KCNT2: variants seen among roughly 807,000 people sequenced by gnomAD.
KCNT2 encodes potassium sodium-activated channel subfamily T member 2, also known as potassium channel subfamily T member 2.
A neutral mutation model predicts 153.8 loss-of-function variants in KCNT2; 67 were observed. The observed-to-expected ratio is 0.44, with a 90% CI of 0.36 to 0.53. KCNT2 has a LOEUF of 0.53. Ranked by LOEUF, KCNT2 falls within the 20% of genes least tolerant of loss-of-function variation. The pLI is 0.00. For missense variants in KCNT2, 975 were observed against 1,354.8 expected (o/e 0.72, Z 4.40); for synonymous variants, 500 against 458.8 (o/e 1.09, Z -1.15).
intron 1 of KCNT2, among the ~76,000 whole-genome samples, chr1:196,536,767 C>T (rs555575920): frequency 1.2e-4 from 18 of 152,296 alleles, no homozygotes; most frequent in African/African-American, 4.1e-4. Context: ...CTGTCACACT[C>T]TCACTAACCT....
Position 196,391,186 on chromosome 1 carries a change from A to C in KCNT2, c.1294+7377T>G, listed in dbSNP as rs190585919. Among the ~76,000 whole-genome samples, 716 of 151,442 alleles carry C rather than the reference A, an allele frequency of 4.7e-3. 4 individuals are homozygous for C. Among genetic ancestry groups the C allele is most frequent in the African/African-American group, 0.016 (651 of 41,444 alleles). ...AGTGGTATTCTTGGGAAGTATATAA[A>C]AGTGCATTGACTTTTTTACAGGGTG... On this transcript the variant is annotated intron_variant, in intron 13 of 27. Coordinates refer to ENST00000294725, the MANE Select transcript of KCNT2 (RefSeq NM_198503.5).
intron 10 of KCNT2, among the ~76,000 whole-genome samples, chr1:196,427,548 A>G (rs1202464607): frequency 6.6e-6 from 1 of 152,068 alleles, no homozygotes; most frequent in African/African-American, 2.4e-5. Context: ...GACAGAAAGA[A>G]AAGTTTCTTC....
At chr1:196,279,660 C>T (rs1658909186) in intron 25 of KCNT2, among the ~76,000 whole-genome samples, 1 of 151,282 alleles carries the variant, frequency 6.6e-6, no homozygotes, top group Admixed American at 6.6e-5. Flanking sequence ...GAACTCCTGA[C>T]CTTGTGATCT....
chr1:196,403,422 A>G (rs916788614), intron 12 of KCNT2, among the ~76,000 whole-genome samples: 3 of 151,688 alleles, frequency 2.0e-5, no homozygotes, highest in African/African-American at 7.3e-5. Flanking sequence ...ATGTATAGGT[A>G]GAGCAGATAA....
At chr1:196,439,156 G>A (rs996065560) in intron 8 of KCNT2, among the ~76,000 whole-genome samples, 14 of 151,740 alleles carry the variant, frequency 9.2e-5, no homozygotes, top group East Asian at 3.9e-4. Context: ...CTGCCTTACC[G>A]TGATTTAGTT....
chr1:196,449,729 C>T (rs1675989596), intron 8 of KCNT2, among the ~76,000 whole-genome samples: 1 of 151,332 alleles, frequency 6.6e-6, no homozygotes, highest in Non-Finnish European at 1.5e-5. Flanking sequence ...TCACAATCTT[C>T]ATTATAAGGA....
chr1:196,282,380 T>A lies in KCNT2; in HGVS notation c.2698-24A>T, dbSNP rs761035683. ...GACTGCAATATAAACAAACAAACAA[T>A]ATATAAATGTATATTTATATATAAT... On this transcript the variant is annotated intron_variant, in intron 23 of 27. Transcript: ENST00000294725. 12 of 1,155,038 alleles carry A rather than the reference T, an allele frequency of 1.0e-5. 1 individual carries two copies. The highest frequency in any genetic ancestry group is 1.7e-5 in the Admixed American group (1 of 57,938). 71.5% of individuals were successfully genotyped at this position (1,155,038 alleles called of 1,614,324 possible). A position where few individuals can be genotyped will look rare whatever the true frequency, so the allele number is the denominator to read the frequency against.
At chr1:196,233,984 T>G (rs1001821092) in intron 27 of KCNT2, among the ~76,000 whole-genome samples, 38 of 151,380 alleles carry the variant, frequency 2.5e-4, no homozygotes, top group Admixed American at 7.3e-4. Context: ...TTCCAGTGCT[T>G]CAAAGCACAG....
intron 22 of KCNT2, among the ~76,000 whole-genome samples, chr1:196,304,319 A>G (rs981357653): frequency 3.3e-5 from 5 of 152,256 alleles, no homozygotes; most frequent in African/African-American, 1.2e-4. Context: ...TCTACCTCTT[A>G]TATTGTTATA....
intron 6 of KCNT2, among the ~76,000 whole-genome samples, chr1:196,468,085 G>C (rs980080197): frequency 1.3e-5 from 2 of 152,044 alleles, no homozygotes; most frequent in Non-Finnish European, 2.9e-5. Flanking sequence ...GTTTGTAATA[G>C]ACATTGACTT....
rs1653558353 is a variant in KCNT2 at position 196,227,249 on chromosome 1, G to A, written c.*975C>T. 6.6e-6 allele frequency: 1 copy of A among 151,910 alleles called. No homozygotes were observed. The highest frequency in any genetic ancestry group is 6.6e-5 in the Admixed American group (1 of 15,246). The allele number at this position is 151,910 out of a possible 1,614,324, so 9.4% of individuals were successfully genotyped here. A position where few individuals can be genotyped will look rare whatever the true frequency, so the allele number is the denominator to read the frequency against. Reference sequence around the variant, plus strand: ...ATAAGGACTTTTAATGTTTTGAAGTGTCTTCAGAGTCCATAAAAGGTATAA... The same window carrying A: ...ATAAGGACTTTTAATGTTTTGAAGTATCTTCAGAGTCCATAAAAGGTATAA... On this transcript the variant is annotated 3_prime_UTR_variant, in exon 28 of 28. Transcript: ENST00000294725.
At chr1:196,427,495 C>G (rs1304242739) in intron 10 of KCNT2, among the ~76,000 whole-genome samples, 1 of 151,898 alleles carries the variant, frequency 6.6e-6, no homozygotes, top group Non-Finnish European at 1.5e-5. Flanking sequence ...AATGCCATGG[C>G]CCGTAGCAGA....
At chr1:196,353,621 C>T (rs1006138819) in intron 14 of KCNT2, among the ~76,000 whole-genome samples, 8 of 151,828 alleles carry the variant, frequency 5.3e-5, no homozygotes, top group African/African-American at 1.7e-4. Flanking sequence ...TTTTAAAACA[C>T]GAGTTGCATA....
chr1:196,258,591 C>T (rs1344128498), intron 25 of KCNT2, 97 bp from the exon 26 acceptor site: 8 of 945,474 alleles, frequency 8.5e-6, no homozygotes, highest in Non-Finnish European at 1.3e-5. Flanking sequence ...TGTTATATTT[C>T]TACTCAGGAG....
intron 22 of KCNT2, among the ~76,000 whole-genome samples, chr1:196,293,572 T>A (rs1304064200): frequency 6.6e-6 from 1 of 152,136 alleles, no homozygotes; most frequent in African/African-American, 2.4e-5. Flanking sequence ...ATCTCTTCAC[T>A]AAACTGTGCT....
At chr1:196,336,942 A>G (rs1665095813) in intron 16 of KCNT2, among the ~76,000 whole-genome samples, 1 of 152,148 alleles carries the variant, frequency 6.6e-6, no homozygotes, top group African/African-American at 2.4e-5. Flanking sequence ...TAATCTTAGT[A>G]TACTGCAGAG....
chr1:196,435,007 G>A (rs921426037), intron 8 of KCNT2, among the ~76,000 whole-genome samples: 1 of 150,990 alleles, frequency 6.6e-6, no homozygotes, highest in African/African-American at 2.4e-5. Flanking sequence ...GTAATTACAG[G>A]TAAGACTGGA....
chr1:196,526,395 A>G, intron 1 of KCNT2, among the ~76,000 whole-genome samples: 1 of 151,374 alleles, frequency 6.6e-6, no homozygotes, highest in East Asian at 1.9e-4. Context: ...ATACATATAT[A>G]ATTTACATAC....
intron 12 of KCNT2, among the ~76,000 whole-genome samples, chr1:196,402,049 A>G (rs942644183): frequency 6.6e-6 from 1 of 151,660 alleles, no homozygotes; most frequent in East Asian, 2.0e-4. Flanking sequence ...TGAAACCAGA[A>G]CTTTACATCT....
Sources: gnomAD v4.1 joint callset for allele counts (sites outside exome capture counted in the v4.1 genomes callset) on GRCh38, gnomAD v4.1.1 for gene constraint, MANE v1.5 for transcripts, NCBI Gene and HGNC (gene_info 2026-07-23, HGNC 2026-07-21) for gene names.